NISCH: variants seen among roughly 807,000 people sequenced by gnomAD.
NISCH encodes the protein I-1 receptor candidate protein.
In NISCH, 55 loss-of-function variants were observed where a neutral mutation model predicts 138.4. The ratio of observed to expected loss-of-function variants is 0.40; its 90% CI spans 0.32 to 0.50. The LOEUF (loss-of-function observed/expected upper bound fraction) is 0.50, where lower values mean the gene tolerates loss of function less well. Among genes scored for constraint, NISCH ranks in the 20% least tolerant of loss-of-function variants. NISCH has a pLI of 0.71. For synonymous variants in NISCH, 860 were observed against 861.5 expected, an observed-to-expected ratio of 1.00 and a Z score of 0.03; for missense variants, 1,643 against 2,005.5, an observed-to-expected ratio of 0.82 and a Z score of 3.45.
rs1707598706 is a variant in NISCH, at chr3:52,492,523, A to G, written c.*41A>G. On this transcript the variant is annotated 3_prime_UTR_variant, in exon 21 of 21. Coordinates refer to ENST00000345716, the MANE Select transcript of NISCH (RefSeq NM_007184.4). The stretch of plus-strand genomic sequence containing the variant: ...GCCTGTCGTGTCCAGCCTGACGCCT[A>G]CTGGGGCAGGGCAGCAGGCTTTTGT... 1.3e-6 allele frequency: 2 copies of G among 1,536,920 alleles called. No homozygotes were observed.
intron 9 of NISCH, 188 bp downstream of exon 9, chr3:52,477,830 G>C (rs1707148543): frequency 3.2e-6 from 2 of 633,720 alleles, no homozygotes; most frequent in Non-Finnish European, 5.6e-6. Flanking sequence ...GGAAGCATGA[G>C]TAAATACAAA....
chr3:52,488,025 G>A lies in NISCH; in HGVS notation c.2533G>A (p.Ala845Thr), dbSNP rs1339857005. Residue 845 changes from alanine (A) to threonine (T), a missense_variant, in exon 16 of 21, where the codon GCT becomes ACT. Physicochemically the swap from Ala to Thr is moderately conservative, Grantham distance 58. Transcript: ENST00000345716. ...LRQLLTFYKV[A>T]GGCQERSQGC... ...CCAGCTGCTCACCTTCTACAAGGTG[G>A]CTGGCGGCTGCCAGGAGCGCAGCCA... is the stretch of plus-strand genomic sequence containing the variant. 6.2e-7 allele frequency: 1 copy of A among 1,611,934 alleles called. No homozygotes were observed. The highest frequency in any genetic ancestry group is 1.1e-5 in the South Asian group (1 of 91,064).
chr3:52,490,901 C>T lies in NISCH; in HGVS notation c.3742+68C>T, dbSNP rs376804589. The stretch of plus-strand genomic sequence containing the variant: ...AGCATCACCAGTGGGCTTCCACCTT[C>T]CGTACGTGGGTGGGTTATCATAGAC... On this transcript the variant is annotated intron_variant, in intron 19 of 20. Coordinates refer to ENST00000345716, the MANE Select transcript of NISCH (RefSeq NM_007184.4). The T allele has an allele frequency of 2.8e-5, 44 of 1,593,458 alleles. 1 individual carries two copies. In the African/African-American group the frequency reaches 5.6e-4, roughly 20 times the overall value.
At position 52,455,651 on chromosome 3, in the gene NISCH, G is replaced by A; in HGVS notation, c.10G>A (p.Ala4Thr). 2 of 1,343,526 alleles carry A rather than the reference G, an allele frequency of 1.5e-6. No individual in the cohort carries two copies. Among genetic ancestry groups the A allele is most frequent in the Non-Finnish European group, 1.9e-6 (2 of 1,039,126 alleles). 83.2% of individuals were successfully genotyped at this position (1,343,526 alleles called of 1,614,324 possible). A position where few individuals can be genotyped will look rare whatever the true frequency, so the allele number is the denominator to read the frequency against. The change falls in exon 1 of 21, where the codon GCG becomes ACG. Residue 4 changes from alanine to threonine, a missense_variant. Coordinates refer to ENST00000345716, the MANE Select transcript of NISCH (RefSeq NM_007184.4). Reference protein sequence around the residue: MATARTFGPEREAE... With the variant: MATTRTFGPEREAE... ...CGGCGGAGACCCGAACATGGCGACC[G>A]CGCGCACCTTCGGGCCCGAGCGGGA...
chr3:52,484,462 T>TGGGGCGCCCCCC, intron 13 of NISCH, 51 bp from the exon 14 acceptor site: 1 of 788,670 alleles, frequency 1.3e-6, no homozygotes, highest in Non-Finnish European at 1.8e-6. Context: ...ACAGCCGCTC[T>TGGGGCGCCCCCC]CCCCGCCCCA....
In NISCH at chr3:52,490,798, A is replaced by T; in HGVS notation, c.3707A>T (p.Asn1236Ile). Residue 1236 changes from asparagine (N) to isoleucine (I), a missense_variant, in exon 19 of 21, where the codon AAT becomes ATT. Physicochemically the swap from Asn to Ile is moderately radical, Grantham distance 149 (BLOSUM62 -3). Transcript: ENST00000345716. ...VLKLSDLQSV[N>I]VGLFDQHFRL... ...AAGCTTAGTGACCTGCAGTCAGTCA[A>T]TGTGGGGCTTTTCGACCAGCATTTC... 6.2e-7 allele frequency: 1 copy of T among 1,614,164 alleles called. No individual in the cohort carries two copies. Among genetic ancestry groups the T allele is most frequent in the Non-Finnish European group, 8.5e-7 (1 of 1,180,008 alleles).
Position 52,491,432 on chromosome 3 carries a change from G to C in NISCH, c.3823G>C (p.Val1275Leu), listed in dbSNP as rs770672394. The change falls in exon 20 of 21, where the codon GTG (valine) becomes CTG (leucine). Residue 1275 changes from valine (V) to leucine (L), a missense_variant. Val to Leu is a conservative substitution (Grantham distance 32). Transcript: ENST00000345716. The stretch of plus-strand genomic sequence containing the variant: ...CTGCTTCCTCCAGCACCTCATGGTC[G>C]TGCTGTCCTCTCTGGAACGCACGCC... ...THCFLQHLMV[V>L]LSSLERTPSP... 1.2e-6 allele frequency: 2 copies of C among 1,613,446 alleles called. No homozygotes were observed. Among genetic ancestry groups the C allele is most frequent in the Non-Finnish European group, 1.7e-6 (2 of 1,179,982 alleles).
intron 7 of NISCH, 152 bp downstream of exon 7, chr3:52,473,981 G>C (rs1707026386): frequency 2.1e-6 from 1 of 471,530 alleles, no homozygotes; most frequent in African/African-American, 1.9e-5. Flanking sequence ...CTCATGGGGG[G>C]CCTCCCAGCA....
In NISCH at chr3:52,492,598, C is replaced by A; in HGVS notation, c.*116C>A. The A allele has an allele frequency of 8.0e-7, 1 of 1,248,346 alleles. No individual in the cohort carries two copies. The highest frequency in any genetic ancestry group is 1.1e-6 in the Non-Finnish European group (1 of 928,050). 77.3% of individuals were successfully genotyped at this position (1,248,346 alleles called of 1,614,324 possible). On this transcript the variant is annotated 3_prime_UTR_variant, in exon 21 of 21. Transcript: ENST00000345716. ...CCTTTGGTACCTTAATTTGACTGTC[C>A]TCGCAGAGAATGTGAACATGTGTGT...
chr3:52,458,283 T>G (rs1372891095), intron 2 of NISCH, among the ~76,000 whole-genome samples: 1 of 152,202 alleles, frequency 6.6e-6, no homozygotes, highest in Non-Finnish European at 1.5e-5. Context: ...TTCCATCTCT[T>G]TTTTTTGCTT....
chr3:52,469,319 T>A (rs987675686), intron 3 of NISCH, among the ~76,000 whole-genome samples: 5 of 152,206 alleles, frequency 3.3e-5, no homozygotes, highest in African/African-American at 1.2e-4. Context: ...AACCCCACAG[T>A]TATTACACTG....
chr3:52,478,339 AAAG>A, intron 10 of NISCH, 57 bp downstream of exon 10: 1 of 1,606,878 alleles, frequency 6.2e-7, no homozygotes, highest in Non-Finnish European at 8.5e-7. Context: ...GTATCATGTT[AAAG>A]AAGAATGTTA....
rs753443878 is a variant in NISCH at position 52,478,140 on chromosome 3, TCTC to T, written c.1037_1039del (p.Ser346del). 11 of 1,614,028 alleles carry T rather than the reference TCTC, an allele frequency of 6.8e-6. No homozygotes were observed. Among genetic ancestry groups the T allele is most frequent in the Non-Finnish European group, 7.6e-6 (9 of 1,180,006 alleles). ...CATCTGGACCTGTCCTACAACAAGC[TCTC>T]CTCCTTGGAAGGGCTTCACACCAAG... On this transcript the variant is annotated inframe_deletion, in exon 10 of 21. Transcript: ENST00000345716.
Position 52,487,584 on chromosome 3 carries a change from G to A in NISCH, c.2092G>A (p.Glu698Lys), listed in dbSNP as rs1213804946. ...TCTGGAATGGGCCCTGGGCGCGGAC[G>A]AGGACTTCCTGCTGGAGCACATCCG... ...LALEWALGAD[E>K]DFLLEHIRIL... is the part of the protein sequence containing the mutation. Residue 698 changes from glutamate to lysine, a missense_variant, in exon 16 of 21, where the codon GAG becomes AAG. Coordinates refer to ENST00000345716, the MANE Select transcript of NISCH (RefSeq NM_007184.4). This position sits in a 1 kb window ranked among gnomAD's most constrained non-coding sequence, Gnocchi z 9.1. 2 of 1,613,572 alleles carry A rather than the reference G, an allele frequency of 1.2e-6. No homozygotes were observed. Among genetic ancestry groups the A allele is most frequent in the African/African-American group, 1.3e-5 (1 of 74,932 alleles).
chr3:52,468,196 G>T (rs1338899037), intron 3 of NISCH, among the ~76,000 whole-genome samples: 1 of 152,118 alleles, frequency 6.6e-6, no homozygotes, highest in African/African-American at 2.4e-5. Context: ...GAGGTGGAGG[G>T]TGCAGTGAGC....
At chr3:52,462,248 G>C (rs1353775607) in intron 3 of NISCH, among the ~76,000 whole-genome samples, 1 of 152,206 alleles carries the variant, frequency 6.6e-6, no homozygotes, top group Non-Finnish European at 1.5e-5. Flanking sequence ...ATCAGCCATA[G>C]CACTGTTGAC....
intron 13 of NISCH, 51 bp from the exon 14 acceptor site, chr3:52,484,462 T>TTGGGGCC: frequency 1.9e-4 from 147 of 788,638 alleles, no homozygotes; most frequent in Non-Finnish European, 2.5e-4. Context: ...ACAGCCGCTC[T>TTGGGGCC]CCCCGCCCCA....
intron 11 of NISCH, among the ~76,000 whole-genome samples, chr3:52,479,546 G>A (rs145099544): frequency 1.4e-3 from 207 of 152,218 alleles, no homozygotes; most frequent in African/African-American, 4.2e-3. Flanking sequence ...GTGAAGAGCC[G>A]CCTCTGAGCA....
chr3:52,458,799 C>A lies in NISCH; in HGVS notation c.315C>A (p.Gly105=). The A allele has an allele frequency of 6.2e-7, 1 of 1,612,518 alleles. No individual in the cohort carries two copies. Among genetic ancestry groups the A allele is most frequent in the African/African-American group, 1.3e-5 (1 of 74,954 alleles). Residue 105 remains glycine (G), a synonymous_variant, in exon 3 of 21, where the codon GGC becomes GGA. Coordinates refer to ENST00000345716, the MANE Select transcript of NISCH (RefSeq NM_007184.4). Reference sequence around the variant, plus strand: ...AGAAGCTCCTGGCTGCCTTCCCTGGCGTGACCCCCAGAGTACTGGCCCACT... The same window carrying A: ...AGAAGCTCCTGGCTGCCTTCCCTGGAGTGACCCCCAGAGTACTGGCCCACT... The part of the protein sequence containing the change: ...YLQKLLAAFP[G]VTPRVLAHFL...
Sources: allele counts gnomAD v4.1 joint callset (sites outside exome capture counted in the v4.1 genomes callset), GRCh38; gene constraint gnomAD v4.1.1; non-coding constraint Gnocchi (gnomAD v3.1); transcripts MANE v1.5; gene names NCBI Gene and HGNC (gene_info 2026-07-23, HGNC 2026-07-21).